Variants in KCNK2 observed in about 807,000 individuals in gnomAD.
KCNK2 encodes potassium two pore domain channel subfamily K member 2, also known as potassium channel subfamily K member 2.
KCNK2 carries 21 observed loss-of-function variants against 40.5 expected under a neutral mutation model. That is an observed-to-expected ratio of 0.52 (90% CI 0.37 to 0.75). The LOEUF (loss-of-function observed/expected upper bound fraction) is 0.75. KCNK2 is among the 30% of genes least tolerant of loss of function. The probability of loss-of-function intolerance (pLI) is 0.00; values close to 1 mark genes in which losing one functional copy is unlikely to be tolerated. For missense variants in KCNK2, 399 were observed against 531.6 expected (o/e 0.75, Z 2.45); for synonymous variants, 191 against 202.2 (o/e 0.94, Z 0.47).
intron 5 of KCNK2, among the ~76,000 whole-genome samples, chr1:215,190,545 T>A (rs1664625249): frequency 6.6e-6 from 1 of 152,160 alleles, no homozygotes; most frequent in African/African-American, 2.4e-5. Context: ...TGGCCTGACA[T>A]ATGTTATTTT....
chr1:215,010,717 T>C (rs1656345698), intron 1 of KCNK2, among the ~76,000 whole-genome samples: 1 of 152,198 alleles, frequency 6.6e-6, no homozygotes, highest in Non-Finnish European at 1.5e-5. Context: ...ATACCTTGGC[T>C]TTCAAGAGTT....
At chr1:215,214,375 C>T (rs1003445331) in intron 6 of KCNK2, among the ~76,000 whole-genome samples, 1 of 152,164 alleles carries the variant, frequency 6.6e-6, no homozygotes, top group Non-Finnish European at 1.5e-5. Flanking sequence ...TCCCCATGAT[C>T]TAATCAGCTC....
At chr1:215,138,266 C>T (rs1662017600) in intron 3 of KCNK2, among the ~76,000 whole-genome samples, 1 of 152,124 alleles carries the variant, frequency 6.6e-6, no homozygotes, top group Non-Finnish European at 1.5e-5. Context: ...CAGTACTCCT[C>T]TCCTGCAGAT....
intron 1 of KCNK2, among the ~76,000 whole-genome samples, chr1:215,015,647 C>T (rs1257723892): frequency 6.6e-6 from 1 of 152,076 alleles, no homozygotes; most frequent in Non-Finnish European, 1.5e-5. Context: ...AGCTTCAATT[C>T]TTTGTTATCA....
intron 3 of KCNK2, among the ~76,000 whole-genome samples, chr1:215,141,624 C>T (rs944186940): frequency 6.6e-6 from 1 of 152,102 alleles, no homozygotes; most frequent in Non-Finnish European, 1.5e-5. Context: ...ATGGCTTTCT[C>T]TTGCTTTCAC....
chr1:215,122,468 C>T (rs1661230965), intron 2 of KCNK2, among the ~76,000 whole-genome samples: 1 of 152,062 alleles, frequency 6.6e-6, no homozygotes, highest in South Asian at 2.1e-4. Context: ...AATTAGCTAT[C>T]TCAAGCTTCA....
chr1:215,186,517 A>T (rs1186374690), intron 5 of KCNK2, among the ~76,000 whole-genome samples: 1 of 152,222 alleles, frequency 6.6e-6, no homozygotes, highest in Non-Finnish European at 1.5e-5. Flanking sequence ...TTTCTAATTC[A>T]TAAGTAATGT....
chr1:215,199,392 C>T (rs1000046033), intron 6 of KCNK2, among the ~76,000 whole-genome samples: 4 of 152,056 alleles, frequency 2.6e-5, no homozygotes, highest in Non-Finnish European at 5.9e-5. Context: ...TTTTGTTTTC[C>T]ATCAACATGC....
At chr1:215,169,823 T>C (rs1663619704) in intron 4 of KCNK2, among the ~76,000 whole-genome samples, 1 of 152,022 alleles carries the variant, frequency 6.6e-6, no homozygotes, top group South Asian at 2.1e-4. Flanking sequence ...TTTTGTATTT[T>C]TTAGTAGAGA....
chr1:215,019,761 G>A (rs1656723703), intron 1 of KCNK2, among the ~76,000 whole-genome samples: 1 of 152,148 alleles, frequency 6.6e-6, no homozygotes, highest in Non-Finnish European at 1.5e-5. Context: ...GTCTCTTCTT[G>A]CATTCTCTGG....
intron 6 of KCNK2, among the ~76,000 whole-genome samples, chr1:215,197,874 C>A (rs1362361811): frequency 6.6e-6 from 1 of 151,998 alleles, no homozygotes; most frequent in Non-Finnish European, 1.5e-5. Context: ...GGGGTGGATG[C>A]CTGTAGTCCC....
chr1:215,093,500 TTATATATAA>T (rs1451823781), intron 2 of KCNK2, among the ~76,000 whole-genome samples: 1 of 41,594 alleles, frequency 2.4e-5, no homozygotes, highest in Non-Finnish European at 4.8e-5. Flanking sequence ...ATGTTATATA[TTATATATAA>T]AATATAGGAT....
chr1:215,095,012 C>T (rs1167032262), intron 2 of KCNK2, among the ~76,000 whole-genome samples: 1 of 151,952 alleles, frequency 6.6e-6, no homozygotes. Context: ...GTCAGACAGA[C>T]AGTATTAGAG....
At chr1:215,209,329 TTTA>T (rs1490442690) in intron 6 of KCNK2, among the ~76,000 whole-genome samples, 4 of 89,302 alleles carry the variant, frequency 4.5e-5, no homozygotes, top group African/African-American at 1.3e-4. Context: ...TACACATATT[TTTA>T]TATATATAAT....
At chr1:215,177,839 A>G (rs1261852461) in intron 5 of KCNK2, among the ~76,000 whole-genome samples, 1 of 112,570 alleles carries the variant, frequency 8.9e-6, no homozygotes. Flanking sequence ...TTTTTTTTTT[A>G]GGATTACTTT....
At chr1:215,121,966 T>C (rs1661208065) in intron 2 of KCNK2, among the ~76,000 whole-genome samples, 1 of 152,204 alleles carries the variant, frequency 6.6e-6, no homozygotes, top group African/African-American at 2.4e-5. Flanking sequence ...ATCTTTGATA[T>C]CTTCATTAAT....
chr1:215,177,827 CTT>C (rs909398095), intron 5 of KCNK2, among the ~76,000 whole-genome samples: 1 of 135,042 alleles, frequency 7.4e-6, no homozygotes, highest in Non-Finnish European at 1.6e-5. Flanking sequence ...ATGTCTCCAG[CTT>C]TTTTTTTTTA....
At chr1:215,233,019 A>G (rs889556616) in intron 6 of KCNK2, among the ~76,000 whole-genome samples, 8 of 152,206 alleles carry the variant, frequency 5.3e-5, no homozygotes, top group African/African-American at 1.9e-4. Context: ...ATGCCTTCCT[A>G]ACCTGGGAGT....
At chr1:215,132,683 A>G (rs1019180330) in intron 3 of KCNK2, among the ~76,000 whole-genome samples, 1 of 152,214 alleles carries the variant, frequency 6.6e-6, no homozygotes, top group Admixed American at 6.5e-5. Flanking sequence ...AACAAAACCC[A>G]TATCGGAATA....
Sources: gnomAD v4.1 joint callset for allele counts (sites outside exome capture counted in the v4.1 genomes callset) on GRCh38, gnomAD v4.1.1 for gene constraint, MANE v1.5 for transcripts, NCBI Gene and HGNC (gene_info 2026-07-23, HGNC 2026-07-21) for gene names.